MUC4: variants seen among roughly 807,000 people sequenced by gnomAD.
MUC4 encodes the protein mucin-4.
A neutral mutation model predicts 257.9 loss-of-function variants in MUC4; 202 were observed. The ratio of observed to expected loss-of-function variants is 0.78; its 90% CI spans 0.70 to 0.88. MUC4 has a LOEUF of 0.88. MUC4 is among the 40% of genes least tolerant of loss of function. The pLI is 0.00. For missense variants in MUC4, 5,976 were observed against 6,513.7 expected (o/e 0.92, Z 2.84); for synonymous variants, 2,351 against 2,757.1 (o/e 0.85, Z 4.62).
At position 195,757,218 on chromosome 3, in the gene MUC4, C is replaced by T; in HGVS notation, c.15097G>A (p.Val5033Ile). The T allele has an allele frequency of 6.2e-7, 1 of 1,613,548 alleles. No individual in the cohort carries two copies. Among genetic ancestry groups the T allele is most frequent in the Non-Finnish European group, 8.5e-7 (1 of 1,179,540 alleles). ...TGGCTCTCTGCATTGCAATGGCAGA[C>T]CACAGTCCTGGGCTGGAGTGCAGAT... Reference protein sequence around the residue: ...LASALQPRTVVCHCNAESQCL... With the variant: ...LASALQPRTVICHCNAESQCL... The change falls in exon 18 of 25, where the codon GTC becomes ATC. Residue 5033 changes from valine to isoleucine, a missense_variant. Around this residue, in one of 44 missense-constraint regions of MUC4, gnomAD observed 996 missense variants for 1,137.3 expected, o/e 0.88. Coordinates refer to ENST00000463781, the MANE Select transcript of MUC4 (RefSeq NM_018406.7). The surrounding 1 kb of genome is among the most constrained non-coding windows in gnomAD (Gnocchi z 4.8).
chr3:195,753,323 C>T (rs563071378), intron 19 of MUC4, 93 bp from the exon 20 acceptor site: 5 of 1,334,106 alleles, frequency 3.7e-6, no homozygotes, highest in East Asian at 4.7e-5. Context: ...GGCTTGCTTT[C>T]CCCCAGTGTT....
At chr3:195,794,430 A>T (rs1734312951) in intron 1 of MUC4, among the ~76,000 whole-genome samples, 1 of 151,620 alleles carries the variant, frequency 6.6e-6, no homozygotes, top group Non-Finnish European at 1.5e-5. Flanking sequence ...GAGAGAGAGA[A>T]AGAGAGACAG....
chr3:195,801,518 C>T (rs1436857910), intron 1 of MUC4, among the ~76,000 whole-genome samples: 1 of 152,068 alleles, frequency 6.6e-6, no homozygotes, highest in East Asian at 1.9e-4. Flanking sequence ...CTTTCTCCTT[C>T]TCTCCTGCCT....
intron 1 of MUC4, among the ~76,000 whole-genome samples, chr3:195,801,039 TAAC>T (rs1460922925): frequency 6.6e-6 from 1 of 152,200 alleles, no homozygotes; most frequent in Non-Finnish European, 1.5e-5. Flanking sequence ...TATCCACTCT[TAAC>T]AATGTTTGTA....
chr3:195,750,421 G>A (rs1260359376), intron 23 of MUC4: 5 of 181,116 alleles, frequency 2.8e-5, no homozygotes, highest in East Asian at 3.4e-4. Context: ...AAGGTGCTGG[G>A]GGGTGTTGAG....
chr3:195,794,373 T>TAGAG lies in MUC4; in HGVS notation c.83-2880_83-2877dup, dbSNP rs6148255. 8.7e-5 allele frequency among the ~76,000 whole-genome samples: 13 copies of TAGAG among 148,906 alleles called. No individual in the cohort carries two copies. The South Asian group carries it at 1.5e-3, about 17-fold the overall frequency. On this transcript the variant is annotated intron_variant, in intron 1 of 24. Coordinates refer to ENST00000463781, the MANE Select transcript of MUC4 (RefSeq NM_018406.7). ...TTTTTTCTTTTTAAACATATATATATAGAGAGAGAGAGAGAGAGAAGAAAG... is the reference window on the plus strand; with the variant it reads ...TTTTTTCTTTTTAAACATATATATATAGAGAGAGAGAGAGAGAGAGAGAAGAAAG...
chr3:195,791,323 C>T lies in MUC4; in HGVS notation c.257G>A (p.Ser86Asn). Residue 86 changes from serine (S) to asparagine (N), a missense_variant, in exon 2 of 25, where the codon AGC becomes AAC. Physicochemically the swap from Ser to Asn is conservative, Grantham distance 46. This residue lies in a region of MUC4 where 1,583 missense variants were observed against 1,257.4 expected (regional missense o/e 1.26). Transcript: ENST00000463781. ...CGTGAGGGTGTCGGTTTGAGCTTTG[C>T]TGGTGGTCTCCGTGCTCTTAGTCTG... ...NHQTKSTETT[S>N]KAQTDTLTQM... The T allele has an allele frequency of 6.2e-7, 1 of 1,613,910 alleles. No homozygotes were observed. The highest frequency in any genetic ancestry group is 8.5e-7 in the Non-Finnish European group (1 of 1,179,886).
At chr3:195,807,034 G>A (rs1296613248) in intron 1 of MUC4, among the ~76,000 whole-genome samples, 1 of 152,170 alleles carries the variant, frequency 6.6e-6, no homozygotes, top group Non-Finnish European at 1.5e-5. Flanking sequence ...CACATACACG[G>A]GGAGTGGAGC....
At chr3:195,801,904 C>T (rs752912329) in intron 1 of MUC4, among the ~76,000 whole-genome samples, 31 of 152,020 alleles carry the variant, frequency 2.0e-4, no homozygotes, top group Non-Finnish European at 4.1e-4. Flanking sequence ...CCACCGTCCA[C>T]GCTCCCGGGC....
Position 195,805,029 on chromosome 3 carries a change from G to T in MUC4, c.82+6707C>A, listed in dbSNP as rs192632482. Among the ~76,000 whole-genome samples the T allele has an allele frequency of 9.1e-3, 1,378 of 152,140 alleles. 17 individuals carry two copies. The highest frequency in any genetic ancestry group is 0.011 in the Non-Finnish European group (747 of 68,010). ...GCCTTTGTTGCCTTCAGCCGAGGCT[G>T]GAGAGAGGGTGACGTTGCCTGTTTC... On this transcript the variant is annotated intron_variant, in intron 1 of 24. Transcript: ENST00000463781.
chr3:195,778,392 G>C lies in MUC4; in HGVS notation c.12854C>G (p.Thr4285Arg). ...GRRTATSPPPTTSQTIISTIP... is the reference protein window; with the variant it reads ...GRRTATSPPPRTSQTIISTIP... ...GGTGGAAATGATGGTCTGGGAGGTT[G>C]TGGGGGGTGGTGATGTGGCTGTGCG... The change falls in exon 3 of 25, where the codon ACA (threonine) becomes AGA (arginine). Residue 4285 changes from threonine (T) to arginine (R), a missense_variant. Physicochemically the swap from Thr to Arg is moderately conservative, Grantham distance 71 (BLOSUM62 -1). Transcript: ENST00000463781. The C allele has an allele frequency of 1.2e-6, 2 of 1,613,310 alleles. No individual in the cohort carries two copies. Among genetic ancestry groups the C allele is most frequent in the Non-Finnish European group, 1.7e-6 (2 of 1,179,920 alleles).
chr3:195,761,501 A>G lies in MUC4; in HGVS notation c.14597T>C (p.Phe4866Ser). 1 of 1,613,830 alleles carries G rather than the reference A, an allele frequency of 6.2e-7. No individual in the cohort carries two copies. The highest frequency in any genetic ancestry group is 8.5e-7 in the Non-Finnish European group (1 of 1,179,724). Residue 4866 changes from phenylalanine to serine, a missense_variant, in exon 15 of 25, where the codon TTC (phenylalanine) becomes TCC (serine). Physicochemically the swap from Phe to Ser is radical, Grantham distance 155. This residue lies in a region of MUC4 where 996 missense variants were observed against 1,137.3 expected (regional missense o/e 0.88). Coordinates refer to ENST00000463781, the MANE Select transcript of MUC4 (RefSeq NM_018406.7). ...IPPGSPEEML[F>S]HFGMTWQING... The stretch of plus-strand genomic sequence containing the variant: ...AGACTCACAGGTCATTCCAAAGTGG[A>G]AAAGCATCTCCTCAGGGCTCCCTGG...
At chr3:195,767,848 C>CACCACCACCACT (rs1721755045) in intron 7 of MUC4, among the ~76,000 whole-genome samples, 1 of 127,534 alleles carries the variant, frequency 7.8e-6, no homozygotes, top group African/African-American at 3.3e-5. Flanking sequence ...CCACCACCAT[C>CACCACCACCACT]GCCACCATCA....
chr3:195,790,336 C>G lies in MUC4; in HGVS notation c.1244G>C (p.Ser415Thr), dbSNP rs1733703834. 1.2e-6 allele frequency: 2 copies of G among 1,613,976 alleles called. No homozygotes were observed. The highest frequency in any genetic ancestry group is 1.7e-6 in the Non-Finnish European group (2 of 1,179,840). The change falls in exon 2 of 25, where the codon AGT (serine) becomes ACT (threonine). Residue 415 changes from serine (S) to threonine (T), a missense_variant. Physicochemically the swap from Ser to Thr is moderately conservative, Grantham distance 58. Transcript: ENST00000463781. ...GGAAGTGATTGCAGAAATGGTTCCA[C>G]TTACAGATAGTGATGTCTCCTCTGT... is the stretch of plus-strand genomic sequence containing the variant. ...GNTEETSLSV[S>T]GTISAITSKV...
intron 20 of MUC4, 71 bp from the exon 21 acceptor site, chr3:195,752,517 C>T: frequency 7.2e-7 from 1 of 1,392,606 alleles, no homozygotes; most frequent in Non-Finnish European, 1.0e-6. Context: ...GTCTGTCGGG[C>T]CAGCCCAAGT....
intron 1 of MUC4, among the ~76,000 whole-genome samples, chr3:195,797,245 G>A (rs1429634162): frequency 6.7e-6 from 1 of 148,856 alleles, no homozygotes; most frequent in Non-Finnish European, 1.5e-5. Context: ...CTCCAGCCTG[G>A]TGACAGAGCA....
intron 19 of MUC4, chr3:195,753,663 G>C (rs1327440647): frequency 4.3e-6 from 1 of 230,712 alleles, no homozygotes; most frequent in Non-Finnish European, 8.2e-6. Context: ...TAAAGGCCTC[G>C]CTGTGATCTC....
chr3:195,763,439 G>T lies in MUC4; in HGVS notation c.14247C>A (p.Pro4749=). The T allele has an allele frequency of 7.1e-7, 1 of 1,413,116 alleles. No individual in the cohort carries two copies. The allele number at this position is 1,413,116 out of a possible 1,614,324, so 87.5% of individuals were successfully genotyped here. Residue 4749 remains proline, a synonymous_variant, in exon 12 of 25, where the codon CCC becomes CCA. Coordinates refer to ENST00000463781, the MANE Select transcript of MUC4 (RefSeq NM_018406.7). Reference sequence around the variant, plus strand: ...CCCGGCACCCCTCACTCACCGTGACGGGGCCCAGGCTGCTGGAGCGGTACT... The same window carrying T: ...CCCGGCACCCCTCACTCACCGTGACTGGGCCCAGGCTGCTGGAGCGGTACT... ...AAQYRSSSLG[P]VTVQWLLEPH...
chr3:195,793,967 G>A (rs1425409482), intron 1 of MUC4, among the ~76,000 whole-genome samples: 34 of 151,954 alleles, frequency 2.2e-4, no homozygotes, highest in African/African-American at 7.5e-4. Flanking sequence ...CAGAGGCCAG[G>A]CATGGTGGCT....
Sources: allele counts gnomAD v4.1 joint callset (sites outside exome capture counted in the v4.1 genomes callset), GRCh38; gene constraint gnomAD v4.1.1; regional missense constraint gnomAD v4.1.1; non-coding constraint Gnocchi (gnomAD v3.1); transcripts MANE v1.5; gene names NCBI Gene and HGNC (gene_info 2026-07-23, HGNC 2026-07-21).